Variants in LYPLAL1 observed in about 807,000 individuals in gnomAD.
The protein encoded by LYPLAL1 is lysophospholipase-like protein 1.
Under a neutral mutation model 19.7 loss-of-function variants are expected in LYPLAL1, and 23 were observed. The ratio of observed to expected loss-of-function variants is 1.17; its 90% CI spans 0.84 to 1.65. The LOEUF is 1.65. LYPLAL1 is among the 40% of genes most tolerant of loss of function. The pLI is 0.00. For missense variants in LYPLAL1, 355 were observed against 279.4 expected, an observed-to-expected ratio of 1.27 and a Z score of -1.93; for synonymous variants, 119 against 96.3, an observed-to-expected ratio of 1.24 and a Z score of -1.38.
chr1:219,389,124 A>G, the LYPLAL1 span, among the ~76,000 whole-genome samples: 3 of 152,324 alleles, frequency 2.0e-5, no homozygotes, highest in South Asian at 6.2e-4. Context: ...GAAAATATTG[A>G]ATTTTATTCA....
At chr1:219,190,228 A>G (rs1236313952) in intron 2 of LYPLAL1, among the ~76,000 whole-genome samples, 1 of 151,640 alleles carries the variant, frequency 6.6e-6, no homozygotes, top group Non-Finnish European at 1.5e-5. Flanking sequence ...TCAGTTCATT[A>G]TATATAGCAT....
At chr1:219,349,174 T>A in the LYPLAL1 span, among the ~76,000 whole-genome samples, 2 of 152,238 alleles carry the variant, frequency 1.3e-5, no homozygotes, top group Non-Finnish European at 2.9e-5. Flanking sequence ...ATACAAATAA[T>A]TGACCTAGAT....
chr1:219,182,367 T>G (rs1452793813), intron 2 of LYPLAL1, among the ~76,000 whole-genome samples: 1 of 152,082 alleles, frequency 6.6e-6, no homozygotes, highest in Non-Finnish European at 1.5e-5. Flanking sequence ...GGGCATAGAT[T>G]TATTGTCGTT....
At chr1:219,366,450 A>T in the LYPLAL1 span, among the ~76,000 whole-genome samples, 1 of 152,224 alleles carries the variant, frequency 6.6e-6, no homozygotes, top group African/African-American at 2.4e-5. Context: ...AGTGGCTTAC[A>T]TACAAAAGTG....
chr1:219,259,768 C>A, the LYPLAL1 span, among the ~76,000 whole-genome samples: 1 of 150,176 alleles, frequency 6.7e-6, no homozygotes, highest in African/African-American at 2.4e-5. Context: ...CATGTGTTCC[C>A]CCAAAACTAT....
chr1:219,420,587 C>T, the LYPLAL1 span, among the ~76,000 whole-genome samples: 1 of 152,078 alleles, frequency 6.6e-6, no homozygotes, highest in African/African-American at 2.4e-5. Flanking sequence ...CCATGAGCAG[C>T]GTACACATAG....
At chr1:219,372,442 C>G in the LYPLAL1 span, among the ~76,000 whole-genome samples, 2 of 152,028 alleles carry the variant, frequency 1.3e-5, no homozygotes, top group Non-Finnish European at 2.9e-5. Flanking sequence ...ATTGAGATCT[C>G]GGCAAAAAAC....
the LYPLAL1 span, among the ~76,000 whole-genome samples, chr1:219,393,783 C>A: frequency 1.3e-5 from 2 of 150,884 alleles, no homozygotes; most frequent in African/African-American, 2.4e-5. Flanking sequence ...GTCCAAGTTG[C>A]TTCTAAGTAA....
chr1:219,219,006 T>A, the LYPLAL1 span, among the ~76,000 whole-genome samples: 5 of 152,046 alleles, frequency 3.3e-5, no homozygotes, highest in African/African-American at 1.2e-4. Context: ...AAAACATTAG[T>A]CCCAGCATTG....
the LYPLAL1 span, among the ~76,000 whole-genome samples, chr1:219,376,962 C>T: frequency 6.6e-6 from 1 of 152,126 alleles, no homozygotes; most frequent in Non-Finnish European, 1.5e-5. Context: ...CTATCTGGCC[C>T]AGCAATTCCA....
chr1:219,211,995 TCTAAA>T lies in LYPLAL1; in HGVS notation c.*272_*276del, dbSNP rs1659082240. 8.0e-6 allele frequency: 2 copies of T among 250,074 alleles called. No individual in the cohort carries two copies. The highest frequency in any genetic ancestry group is 5.0e-5 in the Admixed American group (1 of 20,136). The allele number at this position is 250,074 out of a possible 1,614,324, so 15.5% of individuals were successfully genotyped here. The stretch of plus-strand genomic sequence containing the variant: ...CTTTTAAATTTTTGAAATAAAGTAT[TCTAAA>T]CTAATATAAATAAGGACAATGAAAA... On this transcript the variant is annotated 3_prime_UTR_variant, in exon 5 of 5. Coordinates refer to ENST00000366928, the MANE Select transcript of LYPLAL1 (RefSeq NM_138794.5).
the LYPLAL1 span, among the ~76,000 whole-genome samples, chr1:219,385,772 T>C: frequency 2.6e-5 from 4 of 152,178 alleles, no homozygotes; most frequent in African/African-American, 9.6e-5. Context: ...CGCTGTAATT[T>C]GCTAACAAAG....
chr1:219,318,904 C>A, the LYPLAL1 span, among the ~76,000 whole-genome samples: 3 of 152,142 alleles, frequency 2.0e-5, no homozygotes, highest in African/African-American at 7.2e-5. Flanking sequence ...ACTCCACTGC[C>A]GGTAAGAAAC....
At chr1:219,346,873 G>A in the LYPLAL1 span, among the ~76,000 whole-genome samples, 1 of 152,158 alleles carries the variant, frequency 6.6e-6, no homozygotes, top group African/African-American at 2.4e-5. Flanking sequence ...CTGAAACCTG[G>A]GCAGAGAGAG....
At chr1:219,190,632 A>AAC (rs1021715489) in intron 2 of LYPLAL1, among the ~76,000 whole-genome samples, 7 of 150,158 alleles carry the variant, frequency 4.7e-5, no homozygotes, top group Non-Finnish European at 7.4e-5. Context: ...TAAAAAAAAA[A>AAC]AAAAAAAAAA....
the LYPLAL1 span, among the ~76,000 whole-genome samples, chr1:219,327,031 G>A: frequency 6.6e-6 from 1 of 152,094 alleles, no homozygotes; most frequent in African/African-American, 2.4e-5. Flanking sequence ...CCCATTAGGC[G>A]GAGATGGCAG....
chr1:219,244,432 G>A, the LYPLAL1 span, among the ~76,000 whole-genome samples: 1 of 152,152 alleles, frequency 6.6e-6, no homozygotes, highest in Non-Finnish European at 1.5e-5. Flanking sequence ...CCACAGTGGA[G>A]GAGGGATACT....
chr1:219,191,975 T>G (rs912101821), intron 2 of LYPLAL1, among the ~76,000 whole-genome samples: 2 of 151,626 alleles, frequency 1.3e-5, no homozygotes, highest in Non-Finnish European at 3.0e-5. Flanking sequence ...TTAGTTTCTC[T>G]GAGAAACTTT....
the LYPLAL1 span, among the ~76,000 whole-genome samples, chr1:219,363,491 C>A: frequency 0.011 from 1,685 of 152,148 alleles, 32 homozygotes; most frequent in African/African-American, 0.038. Context: ...CTATTAAAAA[C>A]AGAAAATTAT....
Sources: allele counts gnomAD v4.1 joint callset (sites outside exome capture counted in the v4.1 genomes callset), GRCh38; gene constraint gnomAD v4.1.1; transcripts MANE v1.5; gene names NCBI Gene and HGNC (gene_info 2026-07-23, HGNC 2026-07-21).